ALK: variants seen among roughly 807,000 people sequenced by gnomAD.
The protein encoded by ALK is ALK receptor tyrosine kinase.
A neutral mutation model predicts 163.1 loss-of-function variants in ALK; 74 were observed. The ratio of observed to expected loss-of-function variants is 0.45; its 90% CI spans 0.38 to 0.55. ALK has a LOEUF of 0.55. Ranked by LOEUF, ALK falls within the 20% of genes least tolerant of loss-of-function variation. The probability of loss-of-function intolerance (pLI) is 0.00; values close to 1 mark genes in which losing one functional copy is unlikely to be tolerated. For missense variants in ALK, 2,063 were observed against 2,105.3 expected, an observed-to-expected ratio of 0.98 and a Z score of 0.39; for synonymous variants, 960 against 843.2, an observed-to-expected ratio of 1.14 and a Z score of -2.40.
intron 1 of ALK, among the ~76,000 whole-genome samples, chr2:29,760,202 T>TAC (rs145588600): frequency 8.9e-4 from 135 of 151,728 alleles, no homozygotes; most frequent in African/African-American, 2.8e-3. Context: ...TACACACCCC[T>TAC]ACACACACAC....
At chr2:29,608,917 T>A (rs1442339287) in intron 3 of ALK, among the ~76,000 whole-genome samples, 7 of 152,132 alleles carry the variant, frequency 4.6e-5, no homozygotes, top group Non-Finnish European at 1.0e-4. Flanking sequence ...CATAATTCCA[T>A]TTCCAGTTTT....
At chr2:29,217,034 TG>T (rs1433689910) in intron 23 of ALK, among the ~76,000 whole-genome samples, 2 of 141,464 alleles carry the variant, frequency 1.4e-5, no homozygotes, top group South Asian at 2.3e-4. Context: ...GGTATGTGTC[TG>T]GGGGCATGTG....
At chr2:29,697,235 T>A (rs191726241) in intron 2 of ALK, among the ~76,000 whole-genome samples, 111 of 152,276 alleles carry the variant, frequency 7.3e-4, no homozygotes, top group African/African-American at 2.6e-3. Context: ...GCCAGCCCTA[T>A]AATCTACCCT....
intron 3 of ALK, among the ~76,000 whole-genome samples, chr2:29,586,458 CA>C (rs1269194982): frequency 3.3e-5 from 5 of 152,068 alleles, no homozygotes; most frequent in East Asian, 1.9e-4. Flanking sequence ...TTTTAGGTCT[CA>C]AAAAAATGCT....
chr2:29,706,830 G>A (rs537997653), intron 2 of ALK, among the ~76,000 whole-genome samples: 6 of 152,292 alleles, frequency 3.9e-5, no homozygotes, highest in African/African-American at 1.4e-4. Flanking sequence ...TTATAGATGG[G>A]AAAATTAAGG....
intron 23 of ALK, among the ~76,000 whole-genome samples, chr2:29,218,433 C>G (rs1558620556): frequency 6.6e-6 from 1 of 152,054 alleles, no homozygotes; most frequent in Non-Finnish European, 1.5e-5. Context: ...GGGTGGCACT[C>G]TGGGGTGGGG....
chr2:29,431,678 C>T (rs1179534426), intron 4 of ALK, among the ~76,000 whole-genome samples: 1 of 152,082 alleles, frequency 6.6e-6, no homozygotes, highest in Non-Finnish European at 1.5e-5. Context: ...TGTCTATAAC[C>T]TCAGATTTGT....
At chr2:29,487,615 G>A (rs1282214151) in intron 4 of ALK, among the ~76,000 whole-genome samples, 2 of 152,168 alleles carry the variant, frequency 1.3e-5, no homozygotes, top group Non-Finnish European at 2.9e-5. Flanking sequence ...GCTGCTTTGA[G>A]GCTCAGTTTC....
chr2:29,361,682 C>A (rs1354470145), intron 5 of ALK, among the ~76,000 whole-genome samples: 1 of 152,126 alleles, frequency 6.6e-6, no homozygotes, highest in African/African-American at 2.4e-5. Context: ...TTTGGGGTCA[C>A]CATGTAGGGT....
rs1224443601 is a variant in ALK, at chr2:29,705,235, AAAGAAATATATATAT to A, written c.788-10236_788-10222del. ...TCCATCTCAACAAAAAAAGAAAAGA[AAAGAAATATATATAT>A]ATATATATATATATATATATATATA... On this transcript the variant is annotated intron_variant, in intron 2 of 28. Transcript: ENST00000389048. Among the ~76,000 whole-genome samples, 498 of 114,164 alleles carry A rather than the reference AAAGAAATATATATAT, an allele frequency of 4.4e-3. 5 individuals are homozygous for A. The highest frequency in any genetic ancestry group is 0.037 in the Middle Eastern group (9 of 244). The allele number at this position is 114,164 out of a possible 152,430, so 74.9% of individuals were successfully genotyped here.
At chr2:29,699,523 C>T (rs553793464) in intron 2 of ALK, among the ~76,000 whole-genome samples, 1 of 152,316 alleles carries the variant, frequency 6.6e-6, no homozygotes, top group South Asian at 2.1e-4. Context: ...TTAATTTACA[C>T]AATAGATGAG....
rs1667013379 is a variant in ALK, at chr2:29,320,805, T to A, written c.1492A>T (p.Thr498Ser). The A allele has an allele frequency of 2.5e-6, 4 of 1,613,626 alleles. No homozygotes were observed. Among genetic ancestry groups the A allele is most frequent in the Non-Finnish European group, 3.4e-6 (4 of 1,179,934 alleles). ...AGGGTCCTGACCTGCCATTGAGGAG[T>A]GTGGGGTGACAGTGTGCCTTGGGTC... Reference protein sequence around the residue: ...GWTQGTLSPHTPQWQVRTLKD... With the variant: ...GWTQGTLSPHSPQWQVRTLKD... The change falls in exon 7 of 29, where the codon ACT becomes TCT. Residue 498 changes from threonine to serine, a missense_variant. Transcript: ENST00000389048.
intron 4 of ALK, among the ~76,000 whole-genome samples, chr2:29,475,985 C>G (rs76489298): frequency 0.01 from 1,575 of 152,302 alleles, 36 homozygotes; most frequent in African/African-American, 0.035. Context: ...GGGGCTGCTT[C>G]GGACAGATGG....
At chr2:29,369,492 T>A (rs138250079) in intron 5 of ALK, among the ~76,000 whole-genome samples, 18 of 152,210 alleles carry the variant, frequency 1.2e-4, no homozygotes, top group African/African-American at 4.3e-4. Flanking sequence ...TGGGCTCCAG[T>A]GTAGCCGATC....
At chr2:29,594,901 T>TG (rs1465185928) in intron 3 of ALK, among the ~76,000 whole-genome samples, 1 of 29,376 alleles carries the variant, frequency 3.4e-5, no homozygotes, top group Non-Finnish European at 6.1e-5. Flanking sequence ...AAATGGGGGG[T>TG]GGGGGGCGGG....
intron 5 of ALK, among the ~76,000 whole-genome samples, chr2:29,378,504 G>T (rs188183359): frequency 1.3e-5 from 2 of 152,098 alleles, no homozygotes; most frequent in Admixed American, 1.3e-4. Context: ...TTAGGTCTCC[G>T]TGCCTTGATT....
chr2:29,565,243 A>G (rs938736853), intron 3 of ALK, among the ~76,000 whole-genome samples: 1 of 152,224 alleles, frequency 6.6e-6, no homozygotes, highest in Non-Finnish European at 1.5e-5. Context: ...GCAAATGACA[A>G]AACTGAAGCA....
At chr2:29,646,699 G>A (rs1038709282) in intron 3 of ALK, among the ~76,000 whole-genome samples, 7 of 151,940 alleles carry the variant, frequency 4.6e-5, no homozygotes, top group African/African-American at 1.2e-4. Flanking sequence ...CTGCCTGGTC[G>A]GCCCTCGCAA....
chr2:29,369,164 G>A (rs944076469), intron 5 of ALK, among the ~76,000 whole-genome samples: 47 of 152,172 alleles, frequency 3.1e-4, no homozygotes, highest in African/African-American at 1.1e-3. Context: ...CTTTTGCCAT[G>A]TGACTGGCAC....
Sources: allele counts gnomAD v4.1 joint callset (sites outside exome capture counted in the v4.1 genomes callset), GRCh38; gene constraint gnomAD v4.1.1; transcripts MANE v1.5; gene names NCBI Gene and HGNC (gene_info 2026-07-23, HGNC 2026-07-21).